Variants in TCTN3 observed in about 807,000 individuals in gnomAD.
The protein encoded by TCTN3 is tectonic family member 3.
In TCTN3, 57 loss-of-function variants were observed where a neutral mutation model predicts 71.3. That is an observed-to-expected ratio of 0.80 (90% CI 0.65 to 1.00). The LOEUF (loss-of-function observed/expected upper bound fraction) is 1.00, where lower values mean the gene tolerates loss of function less well. Ranked by LOEUF, TCTN3 falls within the 50% of genes least tolerant of loss-of-function variation. TCTN3 has a pLI of 0.00. For missense variants in TCTN3, 696 were observed against 719.9 expected (o/e 0.97, Z 0.38); for synonymous variants, 258 against 267.8 (o/e 0.96, Z 0.36).
In TCTN3 at chr10:95,665,287, G is replaced by T. The variant is rs567763498; in HGVS notation, c.1591-987C>A. 4.0e-5 allele frequency among the ~76,000 whole-genome samples: 6 copies of T among 151,192 alleles called. No individual in the cohort carries two copies. The South Asian group carries it at 8.4e-4, about 21-fold the overall frequency. On this transcript the variant is annotated intron_variant, in intron 13 of 13. Coordinates refer to ENST00000371217, the MANE Select transcript of TCTN3 (RefSeq NM_015631.6). ...CCACACCTGGCTAAATTTTTTTTTT[G>T]TGTGTGTGTGAGATGGAGTCTCACT... is the stretch of plus-strand genomic sequence containing the variant.
At chr10:95,672,451 T>C (rs1009762671) in intron 13 of TCTN3, among the ~76,000 whole-genome samples, 2 of 152,218 alleles carry the variant, frequency 1.3e-5, no homozygotes, top group East Asian at 3.9e-4. Flanking sequence ...ATAAGGAAGA[T>C]GCATTTGTAA....
intron 6 of TCTN3, 104 bp downstream of exon 6, chr10:95,686,940 A>T: frequency 4.0e-6 from 4 of 993,932 alleles, no homozygotes; most frequent in South Asian, 1.6e-5. Context: ...GCTCCTGGGG[A>T]TTCTGACTTT....
At chr10:95,664,360 C>G (rs1339786539) in intron 13 of TCTN3, 60 bp from the exon 14 acceptor site, 1 of 1,399,332 alleles carries the variant, frequency 7.1e-7, no homozygotes, top group Non-Finnish European at 1.0e-6. Context: ...AGCACTCTAA[C>G]TTGGCTGTTA....
rs1485460928 is a variant in TCTN3 at position 95,693,921 on chromosome 10, TC to T, written c.-23del. On this transcript the variant is annotated 5_prime_UTR_variant, in exon 1 of 14. Coordinates refer to ENST00000371217, the MANE Select transcript of TCTN3 (RefSeq NM_015631.6). ...GCATGGGGCATTCAGGGCCTCCGGG[TC>T]CGACGTAGGCCTCCGCGGTCTCCAA... The T allele has an allele frequency of 3.0e-5, 47 of 1,551,324 alleles. 1 individual carries two copies. The highest frequency in any genetic ancestry group is 5.9e-5 in the South Asian group (5 of 84,050).
rs200504491 is a variant in TCTN3 at position 95,677,490 on chromosome 10, T to G, written c.1590+2982A>C. ...AAGTCTACAGTTTTTTTTGTTTTTT[T>G]TTTTTTTTTTTGCTGTATTTTCCCT... is the stretch of plus-strand genomic sequence containing the variant. On this transcript the variant is annotated intron_variant, in intron 13 of 13. Coordinates refer to ENST00000371217, the MANE Select transcript of TCTN3 (RefSeq NM_015631.6). 2.5e-3 allele frequency among the ~76,000 whole-genome samples: 370 copies of G among 148,070 alleles called. 7 individuals are homozygous for G. The highest frequency in any genetic ancestry group is 7.9e-3 in the African/African-American group (322 of 40,640).
intron 13 of TCTN3, 60 bp downstream of exon 13, chr10:95,680,412 G>C: frequency 6.6e-7 from 1 of 1,523,802 alleles, no homozygotes; most frequent in Non-Finnish European, 8.8e-7. Flanking sequence ...GTTAACAAAT[G>C]ACTGATAAGA....
At chr10:95,677,474 G>GCT (rs2097938217) in intron 13 of TCTN3, among the ~76,000 whole-genome samples, 1 of 80,738 alleles carries the variant, frequency 1.2e-5, no homozygotes, top group African/African-American at 3.5e-5. Flanking sequence ...GAAGTCTACA[G>GCT]TTTTTTTTGT....
chr10:95,687,707 T>C lies in TCTN3; in HGVS notation c.512A>G (p.Tyr171Cys). ...ATTGACCTTTTGAAGCTTCTGGAAA[T>C]AGTTTAAGTTTGCTAAAATGTTTTT... ...CVHVNNSNLNYFQKLQKVNAT... is the reference protein window; with the variant it reads ...CVHVNNSNLNCFQKLQKVNAT... The change falls in exon 4 of 14, where the codon TAT becomes TGT. Residue 171 changes from tyrosine (Y) to cysteine (C), a missense_variant. Transcript: ENST00000371217. 1 of 1,611,722 alleles carries C rather than the reference T, an allele frequency of 6.2e-7. No individual in the cohort carries two copies. Among genetic ancestry groups the C allele is most frequent in the Non-Finnish European group, 8.5e-7 (1 of 1,179,382 alleles).
intron 2 of TCTN3, 83 bp from the exon 3 acceptor site, chr10:95,693,121 A>C (rs2097955187): frequency 7.2e-6 from 9 of 1,256,346 alleles, no homozygotes; most frequent in Non-Finnish European, 9.0e-6. Context: ...TATCGGCCAG[A>C]TGATGCCAAA....
rs373367200 is a variant in TCTN3, at chr10:95,674,862, G to C, written c.1590+5610C>G. On this transcript the variant is annotated intron_variant, in intron 13 of 13. Transcript: ENST00000371217. ...ATGAATGAATGAATGAATAAATAAA[G>C]TGTGTTGTAAATGTCCATGTAAAGG... is the stretch of plus-strand genomic sequence containing the variant. Among the ~76,000 whole-genome samples the C allele has an allele frequency of 1.0e-4, 15 of 144,540 alleles. No individual in the cohort carries two copies. The East Asian group carries it at 3.1e-3, about 30-fold the overall frequency. The allele number at this position is 144,540 out of a possible 152,430, so 94.8% of individuals were successfully genotyped here.
chr10:95,689,870 C>A (rs1012329005), intron 3 of TCTN3, among the ~76,000 whole-genome samples: 2 of 152,208 alleles, frequency 1.3e-5, no homozygotes, highest in Non-Finnish European at 2.9e-5. Context: ...GGCCAGCTTG[C>A]AGAGCCAAGA....
intron 8 of TCTN3, 133 bp from the exon 9 acceptor site, chr10:95,684,757 C>A: frequency 2.2e-6 from 2 of 923,914 alleles, no homozygotes; most frequent in Non-Finnish European, 3.1e-6. Context: ...TTAAAAATGC[C>A]AAACACAAAT....
intron 9 of TCTN3, among the ~76,000 whole-genome samples, chr10:95,684,068 G>C (rs2097945915): frequency 6.6e-6 from 1 of 152,108 alleles, no homozygotes; most frequent in Non-Finnish European, 1.5e-5. Flanking sequence ...ATCTATGCTG[G>C]GTTCAAAAAG....
intron 13 of TCTN3, among the ~76,000 whole-genome samples, chr10:95,666,836 T>C (rs915291949): frequency 2.0e-5 from 3 of 152,210 alleles, no homozygotes; most frequent in Non-Finnish European, 2.9e-5. Flanking sequence ...GTGGTTGGAA[T>C]TGGGATAGTG....
intron 13 of TCTN3, among the ~76,000 whole-genome samples, chr10:95,680,124 A>G (rs897091823): frequency 1.3e-5 from 2 of 152,242 alleles, no homozygotes; most frequent in African/African-American, 2.4e-5. Flanking sequence ...GGACTCACAT[A>G]TAACTGTGTG....
At chr10:95,665,230 T>C (rs1371993908) in intron 13 of TCTN3, among the ~76,000 whole-genome samples, 1 of 152,118 alleles carries the variant, frequency 6.6e-6, no homozygotes, top group Non-Finnish European at 1.5e-5. Flanking sequence ...TGCCTCAGCC[T>C]CCTGAGTAAC....
rs149728983 is a variant in TCTN3, at chr10:95,680,588, A to T, written c.1474T>A (p.Cys492Ser). The change falls in exon 13 of 14, where the codon TGT (cysteine) becomes AGT (serine). Residue 492 changes from cysteine (C) to serine (S), a missense_variant. Physicochemically the swap from Cys to Ser is moderately radical, Grantham distance 112 (BLOSUM62 -1). Transcript: ENST00000371217. ...ATCTCCAGGGAAACTGGTATGAGAC[A>T]GCAGGAAGTACAGTTTATAGCCTGC... ...SISAINCTSCCLIPVSLEIQV... is the reference protein window; with the variant it reads ...SISAINCTSCSLIPVSLEIQV... 4.0e-5 allele frequency: 65 copies of T among 1,614,124 alleles called. No individual in the cohort carries two copies. In the African/African-American group the frequency reaches 6.3e-4, roughly 16 times the overall value.
chr10:95,682,741 G>A lies in TCTN3; in HGVS notation c.1362C>T (p.Pro454=), dbSNP rs2097944273. ...CAAAGATGGCAACATACTCTGGTCT[G>A]GGCCTTCCATGAAGAGTCTGATAAA... The part of the protein sequence containing the change: ...QEIYQTLHGR[P]RPEYVAIFGN... Residue 454 remains proline, a synonymous_variant, in exon 12 of 14, where the codon CCC becomes CCT. Transcript: ENST00000371217. 6.2e-7 allele frequency: 1 copy of A among 1,614,062 alleles called. No individual in the cohort carries two copies. The highest frequency in any genetic ancestry group is 1.3e-5 in the African/African-American group (1 of 74,924).
rs1162668242 is a variant in TCTN3 at position 95,689,174 on chromosome 10, T to A, written c.500-1455A>T. On this transcript the variant is annotated intron_variant, in intron 3 of 13. Transcript: ENST00000371217. ...ACTCACTCTCCACACATCTCCTAGA[T>A]CCTTCTTATTCAAAGTGGGGTACAC... 2.6e-4 allele frequency among the ~76,000 whole-genome samples: 39 copies of A among 152,190 alleles called. 1 individual carries two copies. Among genetic ancestry groups the A allele is most frequent in the Non-Finnish European group, 1.5e-5 (1 of 68,038 alleles).
Sources: gnomAD v4.1 joint callset for allele counts (sites outside exome capture counted in the v4.1 genomes callset) on GRCh38, gnomAD v4.1.1 for gene constraint, MANE v1.5 for transcripts, NCBI Gene and HGNC (gene_info 2026-07-23, HGNC 2026-07-21) for gene names.